The following PDIK1L variants were observed in gnomAD, a reference collection of about 807,000 sequenced individuals.
PDIK1L encodes the protein serine/threonine-protein kinase PDIK1L.
In PDIK1L, 9 loss-of-function variants were observed where a neutral mutation model predicts 27.1. The observed-to-expected ratio is 0.33, with a 90% CI of 0.20 to 0.58. PDIK1L has a LOEUF of 0.58. Among genes scored for constraint, PDIK1L ranks in the 20% least tolerant of loss-of-function variants. The pLI, the probability that PDIK1L is intolerant of heterozygous loss-of-function variation, is 0.86. For synonymous variants in PDIK1L, 130 were observed against 141.7 expected (o/e 0.92, Z 0.59); for missense variants, 216 against 413.2 (o/e 0.52, Z 4.14).
At position 26,122,842 on chromosome 1, in the gene PDIK1L, AAC is replaced by A. The variant is rs1477484597; in HGVS notation, c.*267_*268del. ...TTGGCAGGAAAATTCTTTAAGAGCTAACAAGAGAAGAGAGTCCAGTTTTCTGG... is the reference window on the plus strand; with the variant it reads ...TTGGCAGGAAAATTCTTTAAGAGCTAAAGAGAAGAGAGTCCAGTTTTCTGG... On this transcript the variant is annotated 3_prime_UTR_variant, in exon 3 of 3. Coordinates refer to ENST00000374269, the MANE Select transcript of PDIK1L (RefSeq NM_152835.5). This position sits in a 1 kb window ranked among gnomAD's most constrained non-coding sequence, Gnocchi z 5.4. 3.5e-6 allele frequency: 1 copy of A among 289,716 alleles called. No homozygotes were observed. The highest frequency in any genetic ancestry group is 6.0e-5 in the East Asian group (1 of 16,610). The allele number at this position is 289,716 out of a possible 1,614,324, so 17.9% of individuals were successfully genotyped here.
At chr1:26,112,531 C>T (rs1257385323) in intron 1 of PDIK1L, 1 of 152,288 alleles carries the variant, frequency 6.6e-6, no homozygotes, top group African/African-American at 2.4e-5. Flanking sequence ...ACACGAACCA[C>T]CTTGAGTGGA....
chr1:26,117,132 A>G (rs938414025), intron 2 of PDIK1L, among the ~76,000 whole-genome samples: 1 of 148,900 alleles, frequency 6.7e-6, no homozygotes, highest in Middle Eastern at 3.2e-3. Context: ...CCCAGGTTCA[A>G]GTGATTCTCC....
Position 26,114,856 on chromosome 1 carries a change from G to T in PDIK1L, c.285+263G>T, listed in dbSNP as rs1278362552. Among the ~76,000 whole-genome samples the T allele has an allele frequency of 1.3e-5, 2 of 152,194 alleles. No individual in the cohort carries two copies. Among genetic ancestry groups the T allele is most frequent in the South Asian group, 4.1e-4 (2 of 4,830 alleles). The stretch of plus-strand genomic sequence containing the variant: ...TCTGCATAGGAATGGGGCAAGATAG[G>T]AACTAGAGAGGTGCTTGAGACTACA... On this transcript the variant is annotated intron_variant, in intron 2 of 2. Coordinates refer to ENST00000374269, the MANE Select transcript of PDIK1L (RefSeq NM_152835.5). This position sits in a 1 kb window ranked among gnomAD's most constrained non-coding sequence, Gnocchi z 4.8.
rs1336236910 is a variant in PDIK1L, at chr1:26,114,410, G to A, written c.102G>A (p.Val34=). The part of the protein sequence containing the change: ...EAVIRKTSAR[V]AVKKIRCHAP... ...TCATCAGAAAGACCTCTGCACGGGTGGCAGTGAAGAAAATTCGATGTCACG... is the reference window on the plus strand; with the variant it reads ...TCATCAGAAAGACCTCTGCACGGGTAGCAGTGAAGAAAATTCGATGTCACG... The change falls in exon 2 of 3, where the codon GTG becomes GTA. Residue 34 remains valine (V), a synonymous_variant. Coordinates refer to ENST00000374269, the MANE Select transcript of PDIK1L (RefSeq NM_152835.5). This position sits in a 1 kb window ranked among gnomAD's most constrained non-coding sequence, Gnocchi z 4.8. 1.9e-6 allele frequency: 3 copies of A among 1,613,968 alleles called. No homozygotes were observed. The highest frequency in any genetic ancestry group is 2.5e-6 in the Non-Finnish European group (3 of 1,180,002).
intron 2 of PDIK1L, among the ~76,000 whole-genome samples, chr1:26,120,995 T>C (rs1384912732): frequency 6.6e-6 from 1 of 150,582 alleles, no homozygotes; most frequent in Non-Finnish European, 1.5e-5. Flanking sequence ...TTTAGAGTGA[T>C]AGTTCATGTC....
chr1:26,111,497 T>A (rs958135861), upstream of PDIK1L: 1 of 151,080 alleles, frequency 6.6e-6, no homozygotes, highest in African/African-American at 2.4e-5. This position sits in a 1 kb window ranked among gnomAD's most constrained non-coding sequence, Gnocchi z 4.0. Context: ...GACCTGCCGC[T>A]GCAGACGGTC....
rs774213972 is a variant in PDIK1L at position 26,122,332 on chromosome 1, A to G, written c.781A>G (p.Thr261Ala). 1 of 1,614,214 alleles carries G rather than the reference A, an allele frequency of 6.2e-7. No homozygotes were observed. The highest frequency in any genetic ancestry group is 1.1e-5 in the South Asian group (1 of 91,080). ...LERITFIDTETKKELLGSYVK... is the reference protein window; with the variant it reads ...LERITFIDTEAKKELLGSYVK... ...AAGGATCACATTCATAGACACAGAGACAAAGAAGGAACTCTTGGGGAGTTA... is the reference window on the plus strand; with the variant it reads ...AAGGATCACATTCATAGACACAGAGGCAAAGAAGGAACTCTTGGGGAGTTA... The change falls in exon 3 of 3, where the codon ACA (threonine) becomes GCA (alanine). Residue 261 changes from threonine to alanine, a missense_variant. Physicochemically the swap from Thr to Ala is moderately conservative, Grantham distance 58. This residue lies in a region of PDIK1L where 169 missense variants were observed against 366.0 expected (regional missense o/e 0.46). Transcript: ENST00000374269. The surrounding 1 kb of genome is among the most constrained non-coding windows in gnomAD (Gnocchi z 5.4).
At chr1:26,116,851 G>C (rs1195782656) in intron 2 of PDIK1L, among the ~76,000 whole-genome samples, 1 of 151,426 alleles carries the variant, frequency 6.6e-6, no homozygotes, top group Non-Finnish European at 1.5e-5. Flanking sequence ...GAGTAGCTGG[G>C]ATTACAGGCA....
chr1:26,112,035 C>T (rs2124466187), intron 1 of PDIK1L, 120 bp downstream of exon 1: 1 of 152,470 alleles, frequency 6.6e-6, no homozygotes, highest in African/African-American at 2.4e-5. Flanking sequence ...TGGGGAAGGC[C>T]CTGCGCTCCT....
intron 1 of PDIK1L, chr1:26,112,399 G>C (rs1374244028): frequency 6.6e-6 from 1 of 152,316 alleles, no homozygotes; most frequent in Non-Finnish European, 1.5e-5. Context: ...GTTCGCATCG[G>C]ATGCATCATT....
chr1:26,114,070 A>C lies in PDIK1L; in HGVS notation c.-17-222A>C, dbSNP rs77896380. 3.4e-3 allele frequency among the ~76,000 whole-genome samples: 517 copies of C among 152,314 alleles called. 6 individuals carry two copies. Among genetic ancestry groups the C allele is most frequent in the African/African-American group, 0.012 (479 of 41,574 alleles). ...ATCAGATTATTATGAGGATTAACTGAATTTAATATTCTAAAGAGCTTAAAA... is the reference window on the plus strand; with the variant it reads ...ATCAGATTATTATGAGGATTAACTGCATTTAATATTCTAAAGAGCTTAAAA... On this transcript the variant is annotated intron_variant, in intron 1 of 2. Coordinates refer to ENST00000374269, the MANE Select transcript of PDIK1L (RefSeq NM_152835.5). The surrounding 1 kb of genome is among the most constrained non-coding windows in gnomAD (Gnocchi z 4.8).
intron 1 of PDIK1L, among the ~76,000 whole-genome samples, chr1:26,112,983 A>G (rs2087821188): frequency 6.6e-6 from 1 of 152,232 alleles, no homozygotes; most frequent in African/African-American, 2.4e-5. Context: ...TAAACCGTTC[A>G]GTAAGTTGAA....
intron 1 of PDIK1L, among the ~76,000 whole-genome samples, chr1:26,113,413 A>T (rs951823644): frequency 6.6e-6 from 1 of 151,090 alleles, no homozygotes; most frequent in African/African-American, 2.4e-5. Context: ...AATGGCGTGA[A>T]CCTGGGAGGC....
In PDIK1L at chr1:26,124,539, A is replaced by G. The variant is rs1453116412; in HGVS notation, c.*1962A>G. 1 of 152,152 alleles carries G rather than the reference A, an allele frequency of 6.6e-6. No homozygotes were observed. The highest frequency in any genetic ancestry group is 1.5e-5 in the Non-Finnish European group (1 of 68,020). The allele number at this position is 152,152 out of a possible 1,614,324, so 9.4% of individuals were successfully genotyped here. ...ATAGATGATGGTATGCCCATGCATC[A>G]TTTGCTCTTCAAATATCTATGTGCT... On this transcript the variant is annotated 3_prime_UTR_variant, in exon 3 of 3. Coordinates refer to ENST00000374269, the MANE Select transcript of PDIK1L (RefSeq NM_152835.5).
chr1:26,117,876 T>C (rs56373219), intron 2 of PDIK1L, among the ~76,000 whole-genome samples: 25,158 of 151,936 alleles, frequency 0.17, 2,265 homozygotes, highest in Middle Eastern at 0.23. Context: ...CTGGGCAACA[T>C]GGCAAAACCC....
chr1:26,119,816 G>A (rs547590360), intron 2 of PDIK1L, among the ~76,000 whole-genome samples: 15 of 152,132 alleles, frequency 9.9e-5, no homozygotes, highest in African/African-American at 1.7e-4. Context: ...CCGAGATCGC[G>A]CCACTGCACT....
chr1:26,118,231 G>T (rs913397064), intron 2 of PDIK1L, among the ~76,000 whole-genome samples: 1 of 152,186 alleles, frequency 6.6e-6, no homozygotes, highest in Non-Finnish European at 1.5e-5. Context: ...CGAGGCAGGA[G>T]GATTGCTAGA....
chr1:26,122,735 A>G lies in PDIK1L; in HGVS notation c.*158A>G, dbSNP rs2088009834. On this transcript the variant is annotated 3_prime_UTR_variant, in exon 3 of 3. Coordinates refer to ENST00000374269, the MANE Select transcript of PDIK1L (RefSeq NM_152835.5). This position sits in a 1 kb window ranked among gnomAD's most constrained non-coding sequence, Gnocchi z 5.4. ...TTTTTCCTCATTTTTCTTAAATCCA[A>G]GTTGGCCGTTTTATTAGTATGTTTC... is the stretch of plus-strand genomic sequence containing the variant. 1.1e-6 allele frequency: 1 copy of G among 907,538 alleles called. No homozygotes were observed. The highest frequency in any genetic ancestry group is 3.5e-5 in the Admixed American group (1 of 28,298). The allele number at this position is 907,538 out of a possible 1,614,324, so 56.2% of individuals were successfully genotyped here.
chr1:26,121,605 A>AAAGCGTCCAAGTGGCCACAC (rs2087989641), intron 2 of PDIK1L, among the ~76,000 whole-genome samples: 1 of 152,184 alleles, frequency 6.6e-6, no homozygotes, highest in Non-Finnish European at 1.5e-5. Flanking sequence ...GCTATTTTAA[A>AAAGCGTCCAAGTGGCCACAC]ATTTTTACCC....
Sources: gnomAD v4.1 joint callset for allele counts (sites outside exome capture counted in the v4.1 genomes callset) on GRCh38, gnomAD v4.1.1 for gene constraint, gnomAD v4.1.1 regional missense constraint, Gnocchi (gnomAD v3.1) non-coding constraint, MANE v1.5 for transcripts, NCBI Gene and HGNC (gene_info 2026-07-23, HGNC 2026-07-21) for gene names.